Variants in MVB12B observed in about 807,000 individuals in gnomAD.
The protein encoded by MVB12B is multivesicular body subunit 12B.
Under a neutral mutation model 41.6 loss-of-function variants are expected in MVB12B, and 16 were observed. That is an observed-to-expected ratio of 0.38 (90% confidence interval 0.26 to 0.58). MVB12B has a LOEUF of 0.58. Among genes scored for constraint, MVB12B ranks in the 20% least tolerant of loss-of-function variants. The pLI is 0.62. For synonymous variants in MVB12B, 133 were observed against 139.7 expected, an observed-to-expected ratio of 0.95 and a Z score of 0.34; for missense variants, 274 against 380.2, an observed-to-expected ratio of 0.72 and a Z score of 2.32.
chr9:126,415,783 G>A (rs1346790566), intron 6 of MVB12B, among the ~76,000 whole-genome samples: 1 of 152,162 alleles, frequency 6.6e-6, no homozygotes, highest in African/African-American at 2.4e-5. Flanking sequence ...GTGTGGTGGA[G>A]ATCATGTTCT....
rs937160179 is a variant in MVB12B at position 126,363,839 on chromosome 9, C to T, written c.205-17225C>T. On this transcript the variant is annotated intron_variant, in intron 2 of 9. Coordinates refer to ENST00000361171, the MANE Select transcript of MVB12B (RefSeq NM_033446.3). ...TTGTGCATGCCCACCATTCCTCTCC[C>T]TGTGGAATTATGTTCTGGTTCTGTG... Among the ~76,000 whole-genome samples, 3 of 152,194 alleles carry T rather than the reference C, an allele frequency of 2.0e-5. No homozygotes were observed. In the East Asian group the frequency reaches 5.8e-4, roughly 29 times the overall value.
intron 6 of MVB12B, among the ~76,000 whole-genome samples, chr9:126,416,333 G>A (rs1214872171): frequency 1.3e-5 from 2 of 152,206 alleles, no homozygotes; most frequent in African/African-American, 4.8e-5. Context: ...CCTGCCAAAG[G>A]CCATGTGACT....
Position 126,381,851 on chromosome 9 carries a change from C to A in MVB12B, c.312+680C>A, listed in dbSNP as rs78430570. 7.9e-3 allele frequency among the ~76,000 whole-genome samples: 1,206 copies of A among 151,858 alleles called. 51 individuals carry two copies. The South Asian group carries it at 0.093, about 12-fold the overall frequency. ...GCCTGCCCTGGGCACCTCATTCTGT[C>A]CCCAGGTAATCTCTACCAGTGGAAG... is the stretch of plus-strand genomic sequence containing the variant. On this transcript the variant is annotated intron_variant, in intron 3 of 9. Transcript: ENST00000361171.
At chr9:126,496,056 T>TAC (rs1373126229) in intron 9 of MVB12B, among the ~76,000 whole-genome samples, 1 of 152,112 alleles carries the variant, frequency 6.6e-6, no homozygotes, top group East Asian at 1.9e-4. Context: ...GTGCTGCTGC[T>TAC]ACAAGGACTA....
intron 2 of MVB12B, among the ~76,000 whole-genome samples, chr9:126,362,675 A>G (rs1374569461): frequency 6.6e-6 from 1 of 152,196 alleles, no homozygotes; most frequent in Non-Finnish European, 1.5e-5. Flanking sequence ...TTAAAGTAAC[A>G]TTCTCTCAAA....
chr9:126,456,907 C>A (rs995705227), intron 7 of MVB12B, among the ~76,000 whole-genome samples: 1 of 152,220 alleles, frequency 6.6e-6, no homozygotes, highest in Admixed American at 6.5e-5. Flanking sequence ...AACCTCCTTT[C>A]CTCTTGGGAG....
At chr9:126,349,951 G>C (rs138912174) in intron 2 of MVB12B, among the ~76,000 whole-genome samples, 3 of 152,338 alleles carry the variant, frequency 2.0e-5, no homozygotes, top group African/African-American at 7.2e-5. Context: ...TGGTGTAGCT[G>C]TAATGAATAT....
chr9:126,413,671 G>A (rs1261175365), intron 6 of MVB12B, among the ~76,000 whole-genome samples: 1 of 152,158 alleles, frequency 6.6e-6, no homozygotes, highest in Non-Finnish European at 1.5e-5. Flanking sequence ...CAAAATTGCT[G>A]AATCACAACT....
chr9:126,409,299 C>G (rs1016628673), intron 6 of MVB12B, among the ~76,000 whole-genome samples: 1 of 138,028 alleles, frequency 7.2e-6, no homozygotes, highest in African/African-American at 2.8e-5. Context: ...GTGAGTAACT[C>G]TGTGTGTGTG....
chr9:126,355,241 T>G (rs186423632), intron 2 of MVB12B, among the ~76,000 whole-genome samples: 2 of 152,310 alleles, frequency 1.3e-5, no homozygotes, highest in Admixed American at 1.3e-4. Context: ...TTCTGACCCC[T>G]GATGACCCCA....
intron 4 of MVB12B, among the ~76,000 whole-genome samples, chr9:126,387,492 G>A (rs921549775): frequency 6.6e-6 from 1 of 152,102 alleles, no homozygotes; most frequent in African/African-American, 2.4e-5. Context: ...TGGTCCCACT[G>A]TTTTTTGCTG....
At chr9:126,496,253 C>T (rs980507243) in intron 9 of MVB12B, among the ~76,000 whole-genome samples, 4 of 137,858 alleles carry the variant, frequency 2.9e-5, no homozygotes, top group Non-Finnish European at 6.2e-5. Context: ...ACCCAACCAT[C>T]CATCCACCTA....
intron 2 of MVB12B, among the ~76,000 whole-genome samples, chr9:126,365,302 T>C (rs1294191325): frequency 2.1e-5 from 3 of 144,256 alleles, no homozygotes; most frequent in Non-Finnish European, 4.5e-5. Flanking sequence ...CCTGACCTCA[T>C]GATCTATCCA....
At chr9:126,454,831 A>G (rs1162236900) in intron 7 of MVB12B, among the ~76,000 whole-genome samples, 4 of 151,830 alleles carry the variant, frequency 2.6e-5, no homozygotes, top group Non-Finnish European at 5.9e-5. Context: ...TCCTTAATCA[A>G]TGTTCTTTAA....
chr9:126,483,347 C>A (rs1833564079), intron 8 of MVB12B, among the ~76,000 whole-genome samples: 1 of 152,222 alleles, frequency 6.6e-6, no homozygotes. Context: ...AGTCTCCAAT[C>A]TTCATGAAAT....
intron 7 of MVB12B, among the ~76,000 whole-genome samples, chr9:126,431,779 C>A (rs568805879): frequency 6.6e-6 from 1 of 152,136 alleles, no homozygotes; most frequent in Non-Finnish European, 1.5e-5. Flanking sequence ...TCTCTCCCAC[C>A]GACTAGCCGA....
rs548946337 is a variant in MVB12B at position 126,423,399 on chromosome 9, C to A, written c.757+1451C>A. Among the ~76,000 whole-genome samples the A allele has an allele frequency of 2.0e-5, 3 of 152,338 alleles. No individual in the cohort carries two copies. In the South Asian group the frequency reaches 6.2e-4, roughly 32 times the overall value. The stretch of plus-strand genomic sequence containing the variant: ...ACTGCTGTCTGCCTCTGGACCGCTG[C>A]TTCCTCGCCCCGCAGCTTTGATGAG... On this transcript the variant is annotated intron_variant, in intron 7 of 9. Coordinates refer to ENST00000361171, the MANE Select transcript of MVB12B (RefSeq NM_033446.3).
intron 1 of MVB12B, among the ~76,000 whole-genome samples, chr9:126,331,837 G>A (rs1266468729): frequency 2.0e-5 from 3 of 152,180 alleles, no homozygotes; most frequent in Non-Finnish European, 4.4e-5. Context: ...AGGCCCCATG[G>A]GGGTCTGAAG....
At chr9:126,396,139 T>C in intron 6 of MVB12B, 1 of 990,756 alleles carries the variant, frequency 1.0e-6, no homozygotes. Flanking sequence ...CAATGAGCTA[T>C]AAAGTAAGAA....
Sources: allele counts gnomAD v4.1 joint callset (sites outside exome capture counted in the v4.1 genomes callset), GRCh38; gene constraint gnomAD v4.1.1; transcripts MANE v1.5; gene names NCBI Gene and HGNC (gene_info 2026-07-23, HGNC 2026-07-21).